PCDHGC4: variants seen among roughly 807,000 people sequenced by gnomAD.
The protein encoded by PCDHGC4 is protocadherin gamma subfamily C, 4.
Under a neutral mutation model 59.7 loss-of-function variants are expected in PCDHGC4, and 15 were observed. That is an observed-to-expected ratio of 0.25 (90% CI 0.17 to 0.39). The LOEUF is 0.39. PCDHGC4 is among the 10% of genes least tolerant of loss of function. The pLI is 1.00. For synonymous variants in PCDHGC4, 434 were observed against 481.4 expected, an observed-to-expected ratio of 0.90 and a Z score of 1.29; for missense variants, 1,016 against 1,189.5, an observed-to-expected ratio of 0.85 and a Z score of 2.15.
At chr5:141,496,021 G>A (rs1011612662) in intron 2 of PCDHGC4, among the ~76,000 whole-genome samples, 1 of 151,336 alleles carries the variant, frequency 6.6e-6, no homozygotes, top group Admixed American at 6.6e-5. Context: ...TTTTCTCTGA[G>A]CCTCTGTCTC....
At position 141,485,939 on chromosome 5, in the gene PCDHGC4, C is replaced by A; in HGVS notation, c.766C>A (p.Pro256Thr). ...CAGGATTAGTGTGTTGGAGAGCGCA[C>A]CAGCGGGCATGGTGCTCATCCAGCT... ...SYRISVLESA[P>T]AGMVLIQLNA... is the part of the protein sequence containing the mutation. Residue 256 changes from proline (P) to threonine (T), a missense_variant, in exon 1 of 4, where the codon CCA (proline) becomes ACA (threonine). By Grantham distance (38) the Pro-to-Thr change is conservative. Transcript: ENST00000306593. This position sits in a 1 kb window ranked among gnomAD's most constrained non-coding sequence, Gnocchi z 5.7. 1 of 1,614,140 alleles carries A rather than the reference C, an allele frequency of 6.2e-7. No homozygotes were observed. The highest frequency in any genetic ancestry group is 8.5e-7 in the Non-Finnish European group (1 of 1,180,030).
rs112078596 is a variant in PCDHGC4, at chr5:141,490,350, G to A, written c.2442+2735G>A. ...GCACACCAGTGGGCACAGTAGTGGG[G>A]TTGTTTAATGTGCGAGACCGGGACT... On this transcript the variant is annotated intron_variant, in intron 1 of 3. Coordinates refer to ENST00000306593, the MANE Select transcript of PCDHGC4 (RefSeq NM_018928.3). The surrounding 1 kb of genome is among the most constrained non-coding windows in gnomAD (Gnocchi z 5.4). 3.5e-5 allele frequency: 57 copies of A among 1,614,086 alleles called. No homozygotes were observed. The highest frequency in any genetic ancestry group is 4.6e-5 in the Non-Finnish European group (54 of 1,180,042).
Position 141,489,398 on chromosome 5 carries a change from G to A in PCDHGC4, c.2442+1783G>A, listed in dbSNP as rs2099686644. On this transcript the variant is annotated intron_variant, in intron 1 of 3. Transcript: ENST00000306593. This position sits in a 1 kb window ranked among gnomAD's most constrained non-coding sequence, Gnocchi z 4.5. The stretch of plus-strand genomic sequence containing the variant: ...GTGGGGAATGTTGCTCAGGATCTGG[G>A]CTTAAAGATGACAGATCTGTTGAGC... 6.2e-7 allele frequency: 1 copy of A among 1,614,064 alleles called. No homozygotes were observed. The highest frequency in any genetic ancestry group is 1.3e-5 in the African/African-American group (1 of 74,910).
chr5:141,501,290 TAC>T (rs55762287), intron 2 of PCDHGC4, among the ~76,000 whole-genome samples: 11,544 of 136,022 alleles, frequency 0.085, 708 homozygotes, highest in East Asian at 0.37. Context: ...TATTCCCTTA[TAC>T]ACACACACAC....
rs772444495 is a variant in PCDHGC4 at position 141,491,766 on chromosome 5, T to C, written c.2443-3041T>C. 14 of 1,567,738 alleles carry C rather than the reference T, an allele frequency of 8.9e-6. No homozygotes were observed. The African/African-American group carries it at 1.6e-4, about 18-fold the overall frequency. ...GCACTGGAGAAGCCGCCCGTCCTCA[T>C]AAGGGATTGAACTTGCATCCACTCC... On this transcript the variant is annotated intron_variant, in intron 1 of 3. Coordinates refer to ENST00000306593, the MANE Select transcript of PCDHGC4 (RefSeq NM_018928.3). The surrounding 1 kb of genome is among the most constrained non-coding windows in gnomAD (Gnocchi z 6.9).
Position 141,489,084 on chromosome 5 carries a change from C to T in PCDHGC4, c.2442+1469C>T, listed in dbSNP as rs1232276875. On this transcript the variant is annotated intron_variant, in intron 1 of 3. Transcript: ENST00000306593. This position sits in a 1 kb window ranked among gnomAD's most constrained non-coding sequence, Gnocchi z 4.5. ...CTCCCCCCTGCCCACCCCCGCCACTCGGTGACTAAGAACTGCTGCAAGCAG... is the reference window on the plus strand; with the variant it reads ...CTCCCCCCTGCCCACCCCCGCCACTTGGTGACTAAGAACTGCTGCAAGCAG... The T allele has an allele frequency of 1.5e-5, 5 of 329,072 alleles. No homozygotes were observed. Among genetic ancestry groups the T allele is most frequent in the South Asian group, 1.3e-4 (2 of 15,846 alleles). The allele number at this position is 329,072 out of a possible 1,614,324, so 20.4% of individuals were successfully genotyped here. A position where few individuals can be genotyped will look rare whatever the true frequency, so the allele number is the denominator to read the frequency against.
Position 141,491,963 on chromosome 5 carries a change from C to A in PCDHGC4, c.2443-2844C>A. ...CCCCCACCCCTACACTCAAAAAAGG[C>A]CGGGGCCTCCTTCGAGCTTCCGGTG... On this transcript the variant is annotated intron_variant, in intron 1 of 3. Coordinates refer to ENST00000306593, the MANE Select transcript of PCDHGC4 (RefSeq NM_018928.3). This position sits in a 1 kb window ranked among gnomAD's most constrained non-coding sequence, Gnocchi z 6.9. 2 of 944,828 alleles carry A rather than the reference C, an allele frequency of 2.1e-6. No homozygotes were observed. Among genetic ancestry groups the A allele is most frequent in the Non-Finnish European group, 3.0e-6 (2 of 670,874 alleles). 58.5% of individuals were successfully genotyped at this position (944,828 alleles called of 1,614,324 possible).
intron 2 of PCDHGC4, among the ~76,000 whole-genome samples, chr5:141,496,582 G>A (rs991035985): frequency 1.9e-4 from 29 of 152,100 alleles, no homozygotes; most frequent in Non-Finnish European, 3.5e-4. Flanking sequence ...TTTTAGGAAC[G>A]CAAAGCGCTT....
intron 2 of PCDHGC4, among the ~76,000 whole-genome samples, chr5:141,502,186 CA>C (rs1470455379): frequency 1.3e-5 from 2 of 152,148 alleles, no homozygotes; most frequent in Non-Finnish European, 2.9e-5. Context: ...AACATTAATA[CA>C]ATAATATAGA....
chr5:141,510,229 C>T (rs904367594), intron 3 of PCDHGC4, among the ~76,000 whole-genome samples: 3 of 150,486 alleles, frequency 2.0e-5, no homozygotes, highest in African/African-American at 7.4e-5. Context: ...GCCGGGATCG[C>T]GCCACTGCAC....
intron 1 of PCDHGC4, among the ~76,000 whole-genome samples, chr5:141,492,996 AG>A: frequency 6.6e-6 from 1 of 152,348 alleles, no homozygotes; most frequent in Admixed American, 6.5e-5. Flanking sequence ...GCAGATGGAA[AG>A]CTATAGGCTC....
Position 141,511,207 on chromosome 5 carries a change from T to A in PCDHGC4, c.*34T>A, listed in dbSNP as rs773761839. ...CCAGGCCAAGAGCCACAGGGCGGCC[T>A]CTCCCCAACCAGCCCAGCTTCTCCT... On this transcript the variant is annotated 3_prime_UTR_variant, in exon 4 of 4. Transcript: ENST00000306593. 1 of 1,611,162 alleles carries A rather than the reference T, an allele frequency of 6.2e-7. No individual in the cohort carries two copies. The highest frequency in any genetic ancestry group is 1.1e-5 in the South Asian group (1 of 90,702).
chr5:141,509,621 C>T (rs1179988828), intron 3 of PCDHGC4, among the ~76,000 whole-genome samples: 1 of 152,178 alleles, frequency 6.6e-6, no homozygotes, highest in African/African-American at 2.4e-5. Flanking sequence ...AAACAAGTTC[C>T]TGGGTGATGC....
Position 141,491,498 on chromosome 5 carries a change from C to T in PCDHGC4, c.2443-3309C>T, listed in dbSNP as rs975297143. 2 of 1,614,102 alleles carry T rather than the reference C, an allele frequency of 1.2e-6. No homozygotes were observed. Among genetic ancestry groups the T allele is most frequent in the Non-Finnish European group, 1.7e-6 (2 of 1,180,018 alleles). ...TCCAGCCCCAACCTGCAGGTGAGCT[C>T]GGACGGCACGCTCAAGTACATGGAG... On this transcript the variant is annotated intron_variant, in intron 1 of 3. Transcript: ENST00000306593. The surrounding 1 kb of genome is among the most constrained non-coding windows in gnomAD (Gnocchi z 6.9).
At chr5:141,510,169 A>G (rs927072830) in intron 3 of PCDHGC4, among the ~76,000 whole-genome samples, 7 of 151,230 alleles carry the variant, frequency 4.6e-5, no homozygotes, top group Non-Finnish European at 1.0e-4. Context: ...GCTACTCAGG[A>G]GGTTGAGGCA....
At chr5:141,510,272 T>TAA (rs546154379) in intron 3 of PCDHGC4, among the ~76,000 whole-genome samples, 3,403 of 130,344 alleles carry the variant, frequency 0.026, 48 homozygotes, top group East Asian at 0.043. Context: ...GACTCCATCT[T>TAA]AAAAAAAAAA....
intron 2 of PCDHGC4, among the ~76,000 whole-genome samples, chr5:141,504,369 A>G (rs968327872): frequency 6.6e-5 from 10 of 152,272 alleles, no homozygotes; most frequent in Non-Finnish European, 1.2e-4. Context: ...AGTAGGAAGC[A>G]GGTGGAGTCG....
At position 141,493,482 on chromosome 5, in the gene PCDHGC4, G is replaced by A. The variant is rs184736387; in HGVS notation, c.2443-1325G>A. ...TTTTAGGACCTTACATGTGGGGAAA[G>A]TCTTCTGTGGCTCCTCATTTCTGAG... On this transcript the variant is annotated intron_variant, in intron 1 of 3. Coordinates refer to ENST00000306593, the MANE Select transcript of PCDHGC4 (RefSeq NM_018928.3). This position sits in a 1 kb window ranked among gnomAD's most constrained non-coding sequence, Gnocchi z 4.3. Among the ~76,000 whole-genome samples the A allele has an allele frequency of 1.5e-3, 229 of 152,324 alleles. No homozygotes were observed. Among genetic ancestry groups the A allele is most frequent in the Non-Finnish European group, 2.2e-3 (147 of 68,030 alleles).
intron 2 of PCDHGC4, among the ~76,000 whole-genome samples, chr5:141,502,725 G>A (rs1020846462): frequency 2.0e-5 from 3 of 152,150 alleles, no homozygotes; most frequent in Non-Finnish European, 4.4e-5. Context: ...ATTACAAAGC[G>A]GTGATGTTCT....
Sources: gnomAD v4.1 joint callset for allele counts (sites outside exome capture counted in the v4.1 genomes callset) on GRCh38, gnomAD v4.1.1 for gene constraint, Gnocchi (gnomAD v3.1) non-coding constraint, MANE v1.5 for transcripts, NCBI Gene and HGNC (gene_info 2026-07-23, HGNC 2026-07-21) for gene names.